Variants in HERC6 observed in about 807,000 individuals in gnomAD.
HERC6 encodes HECT and RLD domain containing E3 ubiquitin protein ligase family member 6.
Under a neutral mutation model 114.5 loss-of-function variants are expected in HERC6, and 101 were observed. That is an observed-to-expected ratio of 0.88 (90% CI 0.75 to 1.04). HERC6 has a LOEUF of 1.04. HERC6 is among the 50% of genes least tolerant of loss of function. The probability of loss-of-function intolerance (pLI) is 0.00; values close to 1 mark genes in which losing one functional copy is unlikely to be tolerated. For synonymous variants in HERC6, 408 were observed against 436.2 expected (o/e 0.94, Z 0.81); for missense variants, 1,133 against 1,230.9 (o/e 0.92, Z 1.19).
rs1388197203 is a variant in HERC6 at position 88,383,532 on chromosome 4, G to A, written c.359+152G>A. On this transcript the variant is annotated intron_variant, in intron 2 of 22. Coordinates refer to ENST00000264346, the MANE Select transcript of HERC6 (RefSeq NM_017912.4). ...CCAACACTTTGGAAGGCTAAGGTGG[G>A]CAGATCACTTGAGGTCAGGAATTTG... Among the ~76,000 whole-genome samples the A allele has an allele frequency of 3.3e-5, 5 of 152,036 alleles. 1 individual carries two copies. The highest frequency in any genetic ancestry group is 7.4e-5 in the Non-Finnish European group (5 of 68,008).
chr4:88,386,721 T>C (rs1304513312), intron 3 of HERC6, among the ~76,000 whole-genome samples: 2 of 152,238 alleles, frequency 1.3e-5, no homozygotes, highest in African/African-American at 2.4e-5. Flanking sequence ...TGCAGATTCA[T>C]CTCAGTGCTG....
chr4:88,385,476 A>G, intron 2 of HERC6, 23 bp from the exon 3 acceptor site: 1 of 1,164,458 alleles, frequency 8.6e-7, no homozygotes. Context: ...GGATTAATCA[A>G]TTTTGTATTA....
chr4:88,379,660 A>T (rs1470132994), intron 1 of HERC6, among the ~76,000 whole-genome samples: 4 of 87,296 alleles, frequency 4.6e-5, no homozygotes, highest in African/African-American at 2.1e-4. Context: ...AAAATATATA[A>T]ATATATATAA....
chr4:88,393,612 A>C, intron 5 of HERC6, 30 bp downstream of exon 5: 1 of 1,401,696 alleles, frequency 7.1e-7, no homozygotes, highest in Non-Finnish European at 1.0e-6. Context: ...TATTTTTTTG[A>C]GTTCCAGAGA....
intron 3 of HERC6, among the ~76,000 whole-genome samples, chr4:88,387,740 T>C (rs1734661518): frequency 6.6e-6 from 1 of 152,352 alleles, no homozygotes; most frequent in South Asian, 2.1e-4. Flanking sequence ...TTTAGAAGAT[T>C]GAGTGAGAGA....
chr4:88,427,618 C>T (rs1184274454), intron 15 of HERC6, among the ~76,000 whole-genome samples: 2 of 152,094 alleles, frequency 1.3e-5, no homozygotes, highest in African/African-American at 4.8e-5. Flanking sequence ...GTGGCAGATA[C>T]CCAGGGCAGG....
At chr4:88,416,042 G>A (rs994229268) in intron 12 of HERC6, among the ~76,000 whole-genome samples, 4 of 152,346 alleles carry the variant, frequency 2.6e-5, no homozygotes, top group Admixed American at 2.0e-4. Flanking sequence ...AGGGTCTTCA[G>A]ACCAGTTGGT....
At chr4:88,424,536 A>G (rs1405698354) in intron 14 of HERC6, 59 bp from the exon 15 acceptor site, 21 of 1,268,618 alleles carry the variant, frequency 1.7e-5, no homozygotes, top group Non-Finnish European at 2.4e-5. Context: ...AGGTAAAGGA[A>G]GTAAGTTTTT....
At chr4:88,418,297 T>C (rs1736691414) in intron 13 of HERC6, among the ~76,000 whole-genome samples, 1 of 152,096 alleles carries the variant, frequency 6.6e-6, no homozygotes, top group Non-Finnish European at 1.5e-5. Flanking sequence ...AGTCAATGTA[T>C]GTTGTAAGAA....
chr4:88,398,855 C>G (rs1017548284), intron 8 of HERC6: 1 of 152,154 alleles, frequency 6.6e-6, no homozygotes, highest in South Asian at 2.1e-4. Context: ...TATCAACTCT[C>G]GTTGATTTTA....
chr4:88,413,685 A>G (rs1444710896), intron 12 of HERC6, among the ~76,000 whole-genome samples: 3 of 152,240 alleles, frequency 2.0e-5, no homozygotes, highest in Admixed American at 6.5e-5. Flanking sequence ...TTTATTCAGT[A>G]CTGTATTATG....
chr4:88,398,051 C>T (rs772542266), intron 7 of HERC6, 91 bp from the exon 8 acceptor site: 6 of 701,528 alleles, frequency 8.6e-6, no homozygotes, highest in Non-Finnish European at 1.2e-5. Flanking sequence ...ATATAAATTG[C>T]CAGTAAGTAA....
At chr4:88,407,769 C>G (rs550242297) in intron 10 of HERC6, among the ~76,000 whole-genome samples, 1 of 152,230 alleles carries the variant, frequency 6.6e-6, no homozygotes, top group Non-Finnish European at 1.5e-5. Flanking sequence ...GCTGGCCTCT[C>G]AAATATCACT....
chr4:88,378,994 C>T lies in HERC6; in HGVS notation c.73C>T (p.Leu25=). Residue 25 remains leucine, a synonymous_variant, in exon 1 of 23, where the codon CTA becomes TTA. Transcript: ENST00000264346. ...RRTAGSPGAE[L]LQAASGERHS... is the part of the protein sequence containing the mutation. Reference sequence around the variant, plus strand: ...GACGGCGGGCAGCCCCGGGGCTGAGCTACTGCAGGCGGCCAGCGGGGAGCG... The same window carrying T: ...GACGGCGGGCAGCCCCGGGGCTGAGTTACTGCAGGCGGCCAGCGGGGAGCG... The T allele has an allele frequency of 6.3e-7, 1 of 1,578,816 alleles. No homozygotes were observed. Among genetic ancestry groups the T allele is most frequent in the Non-Finnish European group, 8.6e-7 (1 of 1,163,870 alleles).
intron 11 of HERC6, 76 bp downstream of exon 11, chr4:88,408,693 G>T: frequency 1.0e-6 from 1 of 994,200 alleles, no homozygotes; most frequent in South Asian, 1.4e-5. Flanking sequence ...GGGTGAGATG[G>T]GAACTATGAT....
Position 88,417,375 on chromosome 4 carries a change from G to C in HERC6, c.1559-50G>C, listed in dbSNP as rs749025880. 9.8e-6 allele frequency: 15 copies of C among 1,531,718 alleles called. No homozygotes were observed. The South Asian group carries it at 1.8e-4, about 18-fold the overall frequency. The allele number at this position is 1,531,718 out of a possible 1,614,324, so 94.9% of individuals were successfully genotyped here. A position where few individuals can be genotyped will look rare whatever the true frequency, so the allele number is the denominator to read the frequency against. On this transcript the variant is annotated intron_variant, in intron 12 of 22. Transcript: ENST00000264346. ...AAGAACCCACTAGAAACAGAGATTT[G>C]GGGGGTGGTAGGAAAAACATATTTA...
intron 13 of HERC6, among the ~76,000 whole-genome samples, chr4:88,422,475 C>T (rs1465704953): frequency 6.6e-6 from 1 of 152,098 alleles, no homozygotes; most frequent in African/African-American, 2.4e-5. Context: ...TTGCTGAGGG[C>T]TTTGTTCTTT....
At chr4:88,437,629 G>A in intron 19 of HERC6, 82 bp from the exon 20 acceptor site, 1 of 835,762 alleles carries the variant, frequency 1.2e-6, no homozygotes, top group Non-Finnish European at 2.0e-6. Flanking sequence ...AGGGGAAAAT[G>A]TATTGGCAAT....
intron 10 of HERC6, among the ~76,000 whole-genome samples, chr4:88,407,924 G>T (rs1011511425): frequency 6.6e-6 from 1 of 152,170 alleles, no homozygotes; most frequent in African/African-American, 2.4e-5. Flanking sequence ...GAGAGGGAAG[G>T]CTGGAGGTTT....
Sources: allele counts gnomAD v4.1 joint callset (sites outside exome capture counted in the v4.1 genomes callset), GRCh38; gene constraint gnomAD v4.1.1; transcripts MANE v1.5; gene names NCBI Gene and HGNC (gene_info 2026-07-23, HGNC 2026-07-21).